Variants in WDR72 observed in about 807,000 individuals in gnomAD.
The protein encoded by WDR72 is WD repeat domain 72, also known as WD repeat-containing protein 72.
A neutral mutation model predicts 124.2 loss-of-function variants in WDR72; 120 were observed. The ratio of observed to expected loss-of-function variants is 0.97; its 90% CI spans 0.83 to 1.12. The LOEUF is 1.12. WDR72 is among the 50% of genes most tolerant of loss of function. WDR72 has a pLI of 0.00. For synonymous variants in WDR72, 452 were observed against 441.7 expected (o/e 1.02, Z -0.29); for missense variants, 1,387 against 1,278.8 (o/e 1.08, Z -1.29).
At chr15:53,639,645 G>A (rs1325684092) in intron 14 of WDR72, among the ~76,000 whole-genome samples, 1 of 151,056 alleles carries the variant, frequency 6.6e-6, no homozygotes, top group East Asian at 1.9e-4. Context: ...GTGTGTGCCT[G>A]GCACTGCTGT....
chr15:53,619,797 C>T (rs2013916435), intron 14 of WDR72, among the ~76,000 whole-genome samples: 1 of 152,006 alleles, frequency 6.6e-6, no homozygotes, highest in South Asian at 2.1e-4. Context: ...TTGCTTTTTA[C>T]CTCTAAGAAT....
intron 14 of WDR72, among the ~76,000 whole-genome samples, chr15:53,663,659 C>T (rs2015681971): frequency 6.6e-6 from 1 of 152,090 alleles, no homozygotes. Flanking sequence ...GGTCAAGAGA[C>T]ATTCCCCCGG....
chr15:53,657,002 T>C (rs514876), intron 14 of WDR72, among the ~76,000 whole-genome samples: 7,366 of 152,024 alleles, frequency 0.048, 614 homozygotes, highest in African/African-American at 0.17. Context: ...TGGTGGCTCA[T>C]GCCTGTAATC....
intron 13 of WDR72, among the ~76,000 whole-genome samples, chr15:53,669,218 T>C (rs2015905326): frequency 6.6e-6 from 1 of 152,172 alleles, no homozygotes; most frequent in South Asian, 2.1e-4. Flanking sequence ...GGTAGTTTTG[T>C]AACAGCGCCT....
At chr15:53,668,771 T>C (rs367588381) in intron 13 of WDR72, among the ~76,000 whole-genome samples, 13 of 151,622 alleles carry the variant, frequency 8.6e-5, no homozygotes, top group African/African-American at 3.1e-4. Context: ...CCGGACATGG[T>C]GGCATGTGCT....
intron 18 of WDR72, among the ~76,000 whole-genome samples, chr15:53,531,971 G>A (rs887257179): frequency 6.6e-6 from 1 of 152,098 alleles, no homozygotes; most frequent in Non-Finnish European, 1.5e-5. Context: ...AAGGCAGAAT[G>A]AATGAGAATA....
chr15:53,608,757 A>AAAATAAATAAAT lies in WDR72; in HGVS notation c.2952+744_2952+755dup, dbSNP rs377242751. 9.5e-3 allele frequency among the ~76,000 whole-genome samples: 1,173 copies of AAAATAAATAAAT among 123,670 alleles called. 5 individuals carry two copies. The highest frequency in any genetic ancestry group is 8.9e-3 in the African/African-American group (222 of 25,032). The allele number at this position is 123,670 out of a possible 152,430, so 81.1% of individuals were successfully genotyped here. On this transcript the variant is annotated intron_variant, in intron 17 of 19. Transcript: ENST00000360509. ...GGTGACAGAGCGAGATCCTTTCTCA[A>AAAATAAATAAAT]AAATAAATAAATAAATAAATAAATA...
intron 4 of WDR72, among the ~76,000 whole-genome samples, chr15:53,715,623 T>C (rs2017682172): frequency 6.6e-6 from 1 of 151,778 alleles, no homozygotes; most frequent in Non-Finnish European, 1.5e-5. Context: ...CATGGAAAGC[T>C]CACAATTATA....
intron 12 of WDR72, among the ~76,000 whole-genome samples, chr15:53,701,076 G>A (rs1351472580): frequency 6.6e-6 from 1 of 152,108 alleles, no homozygotes; most frequent in Admixed American, 6.5e-5. Context: ...TCAAAAGTTG[G>A]TTGTTCATGT....
At chr15:53,702,447 A>T in intron 11 of WDR72, 93 bp from the exon 12 acceptor site, 1 of 1,008,108 alleles carries the variant, frequency 9.9e-7, no homozygotes, top group Non-Finnish European at 1.5e-6. Flanking sequence ...AACATAAGGA[A>T]ATTACATATA....
intron 18 of WDR72, among the ~76,000 whole-genome samples, chr15:53,581,267 T>C (rs1306842300): frequency 1.3e-5 from 2 of 152,106 alleles, no homozygotes; most frequent in African/African-American, 2.4e-5. Context: ...ATATTTTCAC[T>C]ACAATGTAAC....
intron 18 of WDR72, among the ~76,000 whole-genome samples, chr15:53,572,760 A>T (rs754899390): frequency 2.6e-5 from 4 of 152,172 alleles, no homozygotes; most frequent in Non-Finnish European, 5.9e-5. Flanking sequence ...TGGATTTAAA[A>T]AGCCCTGTCT....
chr15:53,559,096 G>A (rs894256730), intron 18 of WDR72, among the ~76,000 whole-genome samples: 14 of 151,900 alleles, frequency 9.2e-5, no homozygotes, highest in African/African-American at 3.1e-4. Context: ...CAAAAGCAAC[G>A]CCAACGTTAA....
chr15:53,520,288 A>C (rs988710341), intron 19 of WDR72, among the ~76,000 whole-genome samples: 29 of 152,120 alleles, frequency 1.9e-4, no homozygotes, highest in Non-Finnish European at 1.3e-4. Context: ...CTATTCATTA[A>C]AATGATGTAA....
intron 18 of WDR72, among the ~76,000 whole-genome samples, chr15:53,527,381 C>T (rs1340859584): frequency 6.6e-6 from 1 of 151,922 alleles, no homozygotes; most frequent in African/African-American, 2.4e-5. Flanking sequence ...GCGAACAACT[C>T]CCCCCAGAAA....
At chr15:53,733,255 T>C (rs2018256714) in intron 1 of WDR72, 94 bp from the exon 2 acceptor site, 2 of 1,326,752 alleles carry the variant, frequency 1.5e-6, no homozygotes, top group Admixed American at 1.8e-5. Flanking sequence ...ATGACCAAAC[T>C]TCAATGATGT....
chr15:53,570,272 T>C (rs2140304378), intron 18 of WDR72, among the ~76,000 whole-genome samples: 1 of 152,060 alleles, frequency 6.6e-6, no homozygotes, highest in Middle Eastern at 3.4e-3. Context: ...ATTTTTTTTT[T>C]TTTGTGGTGA....
chr15:53,644,338 C>T (rs117935499), intron 14 of WDR72, among the ~76,000 whole-genome samples: 1 of 151,860 alleles, frequency 6.6e-6, no homozygotes, highest in Non-Finnish European at 1.5e-5. Context: ...GGAAAAAAAT[C>T]GAGACATTGA....
rs558255493 is a variant in WDR72, at chr15:53,736,349, T to C, written c.-12-3188A>G. On this transcript the variant is annotated intron_variant, in intron 1 of 19. Coordinates refer to ENST00000360509, the MANE Select transcript of WDR72 (RefSeq NM_182758.4). Reference sequence around the variant, plus strand: ...GTGTCCAAATGTGGGGGCAGCTGCATGTAAGGTGCAGCCTCCAAGGAGGGT... The same window carrying C: ...GTGTCCAAATGTGGGGGCAGCTGCACGTAAGGTGCAGCCTCCAAGGAGGGT... Among the ~76,000 whole-genome samples, 9 of 152,106 alleles carry C rather than the reference T, an allele frequency of 5.9e-5. No individual in the cohort carries two copies. In the East Asian group the frequency reaches 1.7e-3, roughly 30 times the overall value.
Sources: gnomAD v4.1 joint callset for allele counts (sites outside exome capture counted in the v4.1 genomes callset) on GRCh38, gnomAD v4.1.1 for gene constraint, MANE v1.5 for transcripts, NCBI Gene and HGNC (gene_info 2026-07-23, HGNC 2026-07-21) for gene names.